The following SLC11A2 variants were observed in gnomAD, a reference collection of about 807,000 sequenced individuals.
SLC11A2 encodes the protein solute carrier family 11 member 2.
A neutral mutation model predicts 68.0 loss-of-function variants in SLC11A2; 38 were observed. The ratio of observed to expected loss-of-function variants is 0.56; its 90% confidence interval spans 0.43 to 0.73. The LOEUF (loss-of-function observed/expected upper bound fraction) is 0.73, where lower values mean the gene tolerates loss of function less well. Among genes scored for constraint, SLC11A2 ranks in the 30% least tolerant of loss-of-function variants. The pLI is 0.00. For synonymous variants in SLC11A2, 242 were observed against 250.6 expected (o/e 0.97, Z 0.32); for missense variants, 517 against 690.5 (o/e 0.75, Z 2.82).
intron 3 of SLC11A2, 180 bp from the exon 4 acceptor site, chr12:51,005,616 G>A (rs773335674): frequency 1.4e-6 from 2 of 1,430,532 alleles, no homozygotes; most frequent in Middle Eastern, 1.8e-4. Flanking sequence ...TTAAGAAGCT[G>A]GCCACTTCTC....
At chr12:51,021,208 C>T (rs1415139134) in intron 1 of SLC11A2, among the ~76,000 whole-genome samples, 1 of 152,226 alleles carries the variant, frequency 6.6e-6, no homozygotes, top group Non-Finnish European at 1.5e-5. Flanking sequence ...ACTTAAGCAT[C>T]ATCCCAGGAT....
the SLC11A2 span, among the ~76,000 whole-genome samples, chr12:50,957,570 G>T: frequency 2.0e-5 from 3 of 151,638 alleles, no homozygotes; most frequent in African/African-American, 7.3e-5. Flanking sequence ...CTAACAAGAA[G>T]CATCTGGAAA....
intron 6 of SLC11A2, chr12:50,999,634 T>C (rs1264959395): frequency 1.6e-5 from 9 of 569,870 alleles, no homozygotes; most frequent in Non-Finnish European, 2.8e-5. Context: ...ATGTCACTCT[T>C]AGGATACAAA....
chr12:50,955,601 T>G, the SLC11A2 span, among the ~76,000 whole-genome samples: 1 of 152,214 alleles, frequency 6.6e-6, no homozygotes. Context: ...TCCCGTTAAG[T>G]GTTACTCTGA....
chr12:51,028,037 C>T, upstream of SLC11A2: 1 of 477,862 alleles, frequency 2.1e-6, no homozygotes, highest in East Asian at 3.2e-5. Flanking sequence ...TGTGGAGTTT[C>T]AGAAAGGTTT....
intron 6 of SLC11A2, 25 bp downstream of exon 6, chr12:51,000,288 G>A (rs1397937400): frequency 6.7e-7 from 1 of 1,499,106 alleles, no homozygotes. Flanking sequence ...AAACACTGAT[G>A]ACTTTCTAGA....
chr12:50,969,321 A>G, the SLC11A2 span, among the ~76,000 whole-genome samples: 2 of 152,020 alleles, frequency 1.3e-5, no homozygotes, highest in African/African-American at 4.8e-5. Context: ...AAATAAATAA[A>G]TCCAGATTTT....
intron 2 of SLC11A2, 31 bp from the exon 3 acceptor site, chr12:51,008,655 A>G (rs1166079481): frequency 1.9e-6 from 3 of 1,565,458 alleles, no homozygotes; most frequent in Admixed American, 1.7e-5. Context: ...ATAAATTAGT[A>G]AAAAATGAAC....
At chr12:51,027,917 TG>T (rs3840801), upstream of SLC11A2, among the ~76,000 whole-genome samples, 29 of 18,308 alleles carry the variant, frequency 1.6e-3, no homozygotes, top group East Asian at 0.027. Context: ...CAAAAAAAAG[TG>T]GGGGGGGGGG....
At chr12:50,995,981 T>A (rs772883053) in intron 9 of SLC11A2, among the ~76,000 whole-genome samples, 194 bp from the exon 10 acceptor site, 1 of 152,158 alleles carries the variant, frequency 6.6e-6, no homozygotes, top group Non-Finnish European at 1.5e-5. Context: ...AAAAAAGAAC[T>A]TCATGCCCTT....
intron 1 of SLC11A2, among the ~76,000 whole-genome samples, chr12:51,017,980 C>T (rs1943776581): frequency 6.6e-6 from 1 of 152,112 alleles, no homozygotes; most frequent in Non-Finnish European, 1.5e-5. Context: ...AATTAAGTTA[C>T]CCCCCAAAAC....
intron 10 of SLC11A2, 126 bp downstream of exon 10, chr12:50,995,503 G>T: frequency 9.8e-7 from 1 of 1,015,906 alleles, no homozygotes. Flanking sequence ...TTGGGGGGCA[G>T]ACGAGAAGCT....
chr12:51,005,662 C>T, intron 3 of SLC11A2: 1 of 1,359,610 alleles, frequency 7.4e-7, no homozygotes, highest in Non-Finnish European at 9.7e-7. Context: ...CCTGCAGGTT[C>T]CATCAGCCTC....
At position 51,000,986 on chromosome 12, in the gene SLC11A2, G is replaced by A. The variant is rs181341651; in HGVS notation, c.430-567C>T. Among the ~76,000 whole-genome samples the A allele has an allele frequency of 2.9e-3, 439 of 151,534 alleles. 1 individual carries two copies. Among genetic ancestry groups the A allele is most frequent in the African/African-American group, 9.6e-3 (395 of 41,280 alleles). On this transcript the variant is annotated intron_variant, in intron 5 of 15. Coordinates refer to ENST00000262052, the MANE Select transcript of SLC11A2 (RefSeq NM_000617.3). ...TCAAGATCAGCCTGGCCAACATGGC[G>A]AAACCCCGTCTCTACTAAAAATACA... is the stretch of plus-strand genomic sequence containing the variant.
At chr12:51,008,739 C>A (rs1042527321) in intron 2 of SLC11A2, 115 bp from the exon 3 acceptor site, 3 of 753,518 alleles carry the variant, frequency 4.0e-6, no homozygotes, top group Admixed American at 4.2e-5. Flanking sequence ...AGAGACCAAC[C>A]TGACTCTAGC....
At chr12:50,974,357 G>C in the SLC11A2 span, among the ~76,000 whole-genome samples, 1 of 152,070 alleles carries the variant, frequency 6.6e-6, no homozygotes, top group Admixed American at 6.6e-5. Flanking sequence ...AGAAAAGAAT[G>C]TTCAACCCAG....
chr12:50,983,425 C>T (rs1265318829), downstream of SLC11A2, among the ~76,000 whole-genome samples: 1 of 152,174 alleles, frequency 6.6e-6, no homozygotes, highest in African/African-American at 2.4e-5. Flanking sequence ...AATATAAAGG[C>T]ACTGGAGTTG....
intron 1 of SLC11A2, among the ~76,000 whole-genome samples, chr12:51,015,295 G>C (rs1199947283): frequency 6.6e-6 from 1 of 151,542 alleles, no homozygotes; most frequent in Non-Finnish European, 1.5e-5. Flanking sequence ...GACCAACATG[G>C]AGAAACCCTG....
At chr12:50,977,589 A>C (rs1939865082), downstream of SLC11A2, among the ~76,000 whole-genome samples, 1 of 152,210 alleles carries the variant, frequency 6.6e-6, no homozygotes, top group Non-Finnish European at 1.5e-5. Context: ...GGCATGGGCA[A>C]GGACTTCATG....
Sources: gnomAD v4.1 joint callset for allele counts (sites outside exome capture counted in the v4.1 genomes callset) on GRCh38, gnomAD v4.1.1 for gene constraint, MANE v1.5 for transcripts, NCBI Gene and HGNC (gene_info 2026-07-23, HGNC 2026-07-21) for gene names.